The following NCOA1 variants were observed in gnomAD, a reference collection of about 807,000 sequenced individuals.
The protein encoded by NCOA1 is Hin-2 protein.
Under a neutral mutation model 150.9 loss-of-function variants are expected in NCOA1, and 35 were observed. The ratio of observed to expected loss-of-function variants is 0.23; its 90% CI spans 0.18 to 0.31. NCOA1 has a LOEUF of 0.31. Among genes scored for constraint, NCOA1 ranks in the 10% least tolerant of loss-of-function variants. NCOA1 has a pLI of 1.00. For missense variants in NCOA1, 1,491 were observed against 1,749.3 expected (o/e 0.85, Z 2.63); for synonymous variants, 590 against 630.0 (o/e 0.94, Z 0.95).
rs1047560568 is a variant in NCOA1 at position 24,684,987 on chromosome 2, A to G, written c.532+1859A>G. Among the ~76,000 whole-genome samples, 3 of 152,164 alleles carry G rather than the reference A, an allele frequency of 2.0e-5. No individual in the cohort carries two copies. In the South Asian group the frequency reaches 6.2e-4, roughly 32 times the overall value. On this transcript the variant is annotated intron_variant, in intron 8 of 22. Coordinates refer to ENST00000348332, the MANE Select transcript of NCOA1 (RefSeq NM_003743.5). ...ATTAGAAAATTAAGGAAAGAGACCA[A>G]GTAGAATCATTTTATGTGTAATTCA...
intron 1 of NCOA1, among the ~76,000 whole-genome samples, chr2:24,545,408 A>G (rs561047448): frequency 9.9e-4 from 151 of 152,302 alleles, no homozygotes; most frequent in African/African-American, 3.5e-3. Context: ...GACCCAAAGC[A>G]TAAAATAAAT....
At chr2:24,629,194 CAACAG>C in intron 3 of NCOA1, among the ~76,000 whole-genome samples, 1 of 151,998 alleles carries the variant, frequency 6.6e-6, no homozygotes, top group East Asian at 1.9e-4. Flanking sequence ...AAAAAATTAG[CAACAG>C]TCTTTTGAGA....
At chr2:24,666,011 A>T (rs1035646459) in intron 6 of NCOA1, 96 bp downstream of exon 6, 125 of 679,382 alleles carry the variant, frequency 1.8e-4, no homozygotes, top group African/African-American at 2.8e-4. Flanking sequence ...TTATTATTTT[A>T]TTATTATTAT....
intron 2 of NCOA1, among the ~76,000 whole-genome samples, chr2:24,578,249 A>G (rs974925113): frequency 1.3e-5 from 2 of 152,164 alleles, no homozygotes; most frequent in Non-Finnish European, 2.9e-5. Context: ...TTTTGGGATG[A>G]TCAGATGGCA....
intron 14 of NCOA1, among the ~76,000 whole-genome samples, chr2:24,716,036 C>A (rs1030224860): frequency 6.0e-5 from 9 of 149,888 alleles, no homozygotes; most frequent in African/African-American, 2.2e-4. Flanking sequence ...CCTAGCTACT[C>A]GGGAGGCTGA....
At chr2:24,517,415 A>T (rs1034974851) in intron 1 of NCOA1, among the ~76,000 whole-genome samples, 10 of 151,878 alleles carry the variant, frequency 6.6e-5, no homozygotes, top group Non-Finnish European at 1.5e-4. Flanking sequence ...TGGAGTACAC[A>T]TTGCATTTTC....
chr2:24,595,462 T>A (rs1334660380), intron 3 of NCOA1, among the ~76,000 whole-genome samples: 1 of 152,090 alleles, frequency 6.6e-6, no homozygotes, highest in Non-Finnish European at 1.5e-5. Flanking sequence ...CTTGACGCTT[T>A]CCATCACCTA....
At chr2:24,492,663 T>A (rs1329002242) in intron 1 of NCOA1, among the ~76,000 whole-genome samples, 3 of 152,198 alleles carry the variant, frequency 2.0e-5, no homozygotes, top group Non-Finnish European at 4.4e-5. Context: ...GGTGTCCTTG[T>A]GCAGAAGGTG....
intron 14 of NCOA1, among the ~76,000 whole-genome samples, chr2:24,712,891 A>T (rs1405692247): frequency 1.3e-5 from 2 of 152,268 alleles, no homozygotes; most frequent in East Asian, 3.9e-4. Context: ...AGAAAAAGTT[A>T]AGGAAATTAC....
rs1374153518 is a variant in NCOA1 at position 24,707,332 on chromosome 2, A to G, written c.1862A>G (p.Asp621Gly). 1.2e-6 allele frequency: 2 copies of G among 1,614,126 alleles called. No homozygotes were observed. Among genetic ancestry groups the G allele is most frequent in the East Asian group, 2.2e-5 (1 of 44,898 alleles). The change falls in exon 13 of 23, where the codon GAT becomes GGT. Residue 621 changes from aspartate (D) to glycine (G), a missense_variant. By Grantham distance (94) the Asp-to-Gly change is moderately conservative. Around this residue, in one of 8 missense-constraint regions of NCOA1, gnomAD observed 703 missense variants for 717.7 expected, o/e 0.98. Transcript: ENST00000348332. Reference protein sequence around the residue: ...GLLHNNDRLSDGDSKYSQTSH... With the variant: ...GLLHNNDRLSGGDSKYSQTSH... ...CTGCATAACAATGACAGACTTTCAGATGGAGACAGTAAATACTCTCAAACC... is the reference window on the plus strand; with the variant it reads ...CTGCATAACAATGACAGACTTTCAGGTGGAGACAGTAAATACTCTCAAACC...
rs992754680 is a variant in NCOA1, at chr2:24,728,591, C to G, written c.2886+115C>G. The G allele has an allele frequency of 8.5e-6, 7 of 822,678 alleles. No homozygotes were observed. In the Admixed American group the frequency reaches 2.6e-4, roughly 30 times the overall value. 51.0% of individuals were successfully genotyped at this position (822,678 alleles called of 1,614,324 possible). ...TATGCTTTAGCTGTTTTATAATTTA[C>G]CTCTTGTGAAACTTATCAAAATATA... On this transcript the variant is annotated intron_variant, in intron 16 of 22. Coordinates refer to ENST00000348332, the MANE Select transcript of NCOA1 (RefSeq NM_003743.5).
At position 24,500,315 on chromosome 2, in the gene NCOA1, T is replaced by C. The variant is rs1380190097; in HGVS notation, c.-396+8713T>C. Among the ~76,000 whole-genome samples the C allele has an allele frequency of 2.0e-5, 3 of 152,128 alleles. No homozygotes were observed. The East Asian group carries it at 5.8e-4, about 29-fold the overall frequency. ...TGGAGACGGGGTTTCTCCATGTTGG[T>C]CAAGCTGGTCTTGAACTCCCAACCT... is the stretch of plus-strand genomic sequence containing the variant. On this transcript the variant is annotated intron_variant, in intron 1 of 22. Coordinates refer to ENST00000348332, the MANE Select transcript of NCOA1 (RefSeq NM_003743.5).
intron 14 of NCOA1, among the ~76,000 whole-genome samples, chr2:24,723,261 A>T (rs1417243804): frequency 6.6e-6 from 1 of 152,116 alleles, no homozygotes; most frequent in Admixed American, 6.6e-5. Context: ...TGTTCTATGG[A>T]TGTCATTCTG....
chr2:24,654,413 A>T (rs1388499110), intron 4 of NCOA1, among the ~76,000 whole-genome samples: 1 of 152,228 alleles, frequency 6.6e-6, no homozygotes, highest in Admixed American at 6.5e-5. Flanking sequence ...TATCATTAAC[A>T]GAAATCTGAA....
chr2:24,703,603 G>A (rs1673270263), intron 11 of NCOA1, among the ~76,000 whole-genome samples: 1 of 152,146 alleles, frequency 6.6e-6, no homozygotes, highest in Non-Finnish European at 1.5e-5. Context: ...TGTAAAGAAT[G>A]TGGTTGGTCA....
At chr2:24,661,195 A>G (rs968388921) in intron 5 of NCOA1, among the ~76,000 whole-genome samples, 4 of 152,126 alleles carry the variant, frequency 2.6e-5, no homozygotes, top group Non-Finnish European at 5.9e-5. Flanking sequence ...TTCTCTTCTC[A>G]TGTTAACACT....
At chr2:24,575,951 G>A (rs183770843) in intron 2 of NCOA1, among the ~76,000 whole-genome samples, 1 of 152,154 alleles carries the variant, frequency 6.6e-6, no homozygotes, top group African/African-American at 2.4e-5. Context: ...TTTAAGACTT[G>A]TTTTGTTTTA....
chr2:24,670,024 A>G (rs530878974), intron 6 of NCOA1, among the ~76,000 whole-genome samples: 2 of 152,264 alleles, frequency 1.3e-5, no homozygotes, highest in Non-Finnish European at 2.9e-5. Context: ...TGTAGTCCCA[A>G]CTATTCGGGA....
intron 20 of NCOA1, among the ~76,000 whole-genome samples, chr2:24,757,350 A>AT (rs1664553510): frequency 3.3e-5 from 5 of 152,268 alleles, no homozygotes; most frequent in Admixed American, 3.3e-4. Flanking sequence ...ATAGAAAACA[A>AT]TCTGAACTGC....
Sources: allele counts gnomAD v4.1 joint callset (sites outside exome capture counted in the v4.1 genomes callset), GRCh38; gene constraint gnomAD v4.1.1; regional missense constraint gnomAD v4.1.1; transcripts MANE v1.5; gene names NCBI Gene and HGNC (gene_info 2026-07-23, HGNC 2026-07-21).